The following SLC29A3 variants were observed in gnomAD, a reference collection of about 807,000 sequenced individuals.
The protein encoded by SLC29A3 is solute carrier family 29 member 3, also known as equilibrative nucleoside transporter 3.
A neutral mutation model predicts 25.4 loss-of-function variants in SLC29A3; 18 were observed. That is an observed-to-expected ratio of 0.71 (90% CI 0.49 to 1.05). SLC29A3 has a LOEUF of 1.05. SLC29A3 is among the 50% of genes least tolerant of loss of function. The pLI is 0.00. For synonymous variants in SLC29A3, 258 were observed against 267.1 expected (o/e 0.97, Z 0.33); for missense variants, 586 against 609.0 (o/e 0.96, Z 0.40).
Position 71,362,623 on chromosome 10 carries a change from G to A in SLC29A3, c.*15G>A. ...ACCTCATCTAGAAGGGAGGACACAA[G>A]GACATTGGTGCTTCAGAGCCTTTGA... On this transcript the variant is annotated 3_prime_UTR_variant, in exon 6 of 6. Transcript: ENST00000373189. The A allele has an allele frequency of 6.2e-7, 1 of 1,614,104 alleles. No individual in the cohort carries two copies. Among genetic ancestry groups the A allele is most frequent in the South Asian group, 1.1e-5 (1 of 91,054 alleles).
At chr10:71,348,791 G>A (rs1846666842) in intron 3 of SLC29A3, among the ~76,000 whole-genome samples, 1 of 152,220 alleles carries the variant, frequency 6.6e-6, no homozygotes, top group Non-Finnish European at 1.5e-5. Context: ...GCATCTTAAT[G>A]CAAGGTTCCC....
downstream of SLC29A3, among the ~76,000 whole-genome samples, chr10:71,367,903 G>A (rs957426970): frequency 3.3e-4 from 50 of 152,124 alleles, no homozygotes; most frequent in Non-Finnish European, 7.4e-5. Flanking sequence ...CTTTAGCCAC[G>A]TCCTGCTGGT....
chr10:71,342,595 G>A lies in SLC29A3; in HGVS notation c.301-1614G>A, dbSNP rs117976127. Among the ~76,000 whole-genome samples the A allele has an allele frequency of 3.0e-4, 46 of 152,372 alleles. No homozygotes were observed. In the East Asian group the frequency reaches 8.1e-3, roughly 27 times the overall value. On this transcript the variant is annotated intron_variant, in intron 2 of 5. Transcript: ENST00000373189. ...ACAGATCGAGCAGCCACTGGATGAA[G>A]GGGCCTCACCGGGGCTTGGGCTGGG...
chr10:71,322,008 C>G (rs527569255), intron 1 of SLC29A3, among the ~76,000 whole-genome samples: 1 of 152,320 alleles, frequency 6.6e-6, no homozygotes, highest in South Asian at 2.1e-4. Context: ...GTTTTTTAAA[C>G]AATTATTACT....
intron 3 of SLC29A3, among the ~76,000 whole-genome samples, chr10:71,345,279 T>C (rs1846537413): frequency 6.6e-6 from 1 of 152,078 alleles, no homozygotes; most frequent in Non-Finnish European, 1.5e-5. Context: ...GTTCTGGGGG[T>C]TATCGAGGTT....
downstream of SLC29A3, chr10:71,364,589 C>G (rs1427799042): frequency 6.6e-6 from 1 of 152,176 alleles, no homozygotes; most frequent in African/African-American, 2.4e-5. Flanking sequence ...ATGTGGCAAC[C>G]CTTGGAGCCG....
chr10:71,331,664 A>C (rs1370830065), intron 2 of SLC29A3, among the ~76,000 whole-genome samples: 1 of 152,226 alleles, frequency 6.6e-6, no homozygotes, highest in East Asian at 1.9e-4. Flanking sequence ...TGACCCATCA[A>C]ATGAATTTCA....
intron 5 of SLC29A3, 95 bp downstream of exon 5, chr10:71,356,338 C>T (rs1045665951): frequency 2.8e-5 from 41 of 1,486,402 alleles, no homozygotes; most frequent in Admixed American, 3.5e-5. Context: ...GCTTCTTTGT[C>T]TAGGTGCTAT....
At chr10:71,353,880 G>T (rs926425106) in intron 4 of SLC29A3, among the ~76,000 whole-genome samples, 4 of 152,178 alleles carry the variant, frequency 2.6e-5, no homozygotes, top group Non-Finnish European at 4.4e-5. Context: ...GCTCCCGGAG[G>T]CCTGGTTTGT....
intron 5 of SLC29A3, among the ~76,000 whole-genome samples, chr10:71,358,800 T>C (rs1846980889): frequency 6.6e-6 from 1 of 152,218 alleles, no homozygotes; most frequent in African/African-American, 2.4e-5. Context: ...ACCAGGATGG[T>C]TGGTCAGCCT....
chr10:71,347,263 A>C (rs1846616101), intron 3 of SLC29A3, among the ~76,000 whole-genome samples: 1 of 152,188 alleles, frequency 6.6e-6, no homozygotes, highest in Admixed American at 6.5e-5. Flanking sequence ...AGGAGGATTT[A>C]CATCTTGGAG....
In SLC29A3 at chr10:71,362,187, G is replaced by T; in HGVS notation, c.1007G>T (p.Gly336Val). The change falls in exon 6 of 6, where the codon GGT becomes GTT. Residue 336 changes from glycine to valine, a missense_variant. Coordinates refer to ENST00000373189, the MANE Select transcript of SLC29A3 (RefSeq NM_018344.6). ...ACCAACATCGAGTCCCTCAACAAGG[G>T]TTCGGGCTCACTGTGGACCACCAAG... The part of the protein sequence containing the change: ...ICTNIESLNK[G>V]SGSLWTTKFF... 6.2e-7 allele frequency: 1 copy of T among 1,614,064 alleles called. No individual in the cohort carries two copies. Among genetic ancestry groups the T allele is most frequent in the African/African-American group, 1.3e-5 (1 of 74,996 alleles).
At chr10:71,374,245 A>G (rs369576091) in intron 3 of SLC29A3, among the ~76,000 whole-genome samples, 8 of 152,124 alleles carry the variant, frequency 5.3e-5, no homozygotes, top group African/African-American at 1.9e-4. Context: ...CTAAATATGC[A>G]TAGCTGAGCC....
downstream of SLC29A3, among the ~76,000 whole-genome samples, chr10:71,363,793 C>CTT (rs68033148): frequency 2.6e-5 from 1 of 37,942 alleles, no homozygotes; most frequent in Non-Finnish European, 8.6e-5. Flanking sequence ...ATTTTTTTTT[C>CTT]TTTTTTTCCT....
At chr10:71,325,776 C>G (rs1050358436) in intron 2 of SLC29A3, among the ~76,000 whole-genome samples, 5 of 152,106 alleles carry the variant, frequency 3.3e-5, no homozygotes, top group African/African-American at 7.2e-5. Flanking sequence ...CCCACCCACT[C>G]GAGGCCAATT....
chr10:71,333,537 A>G (rs2131811158), intron 2 of SLC29A3, among the ~76,000 whole-genome samples: 1 of 152,320 alleles, frequency 6.6e-6, no homozygotes, highest in African/African-American at 2.4e-5. Context: ...GTTTTCTACT[A>G]CAGAGAGAGG....
At chr10:71,353,102 T>G (rs1846807535) in intron 4 of SLC29A3, among the ~76,000 whole-genome samples, 1 of 152,198 alleles carries the variant, frequency 6.6e-6, no homozygotes, top group African/African-American at 2.4e-5. Flanking sequence ...GATCTCTATC[T>G]TTCATCCTGA....
rs1564534083 is a variant in SLC29A3 at position 71,344,201 on chromosome 10, G to A, written c.301-8G>A. ...GACCGCAGCACCTCCTCACTTGTGT[G>A]CTTGCAGAACTACTTTGAGAGCTAC... On this transcript the variant is annotated splice_polypyrimidine_tract_variant and splice_region_variant and intron_variant, in intron 2 of 5. Transcript: ENST00000373189. The A allele has an allele frequency of 1.9e-6, 3 of 1,612,934 alleles. No homozygotes were observed. The highest frequency in any genetic ancestry group is 2.5e-6 in the Non-Finnish European group (3 of 1,178,952).
intron 5 of SLC29A3, among the ~76,000 whole-genome samples, chr10:71,358,905 A>G (rs775455027): frequency 6.6e-5 from 10 of 151,908 alleles, no homozygotes; most frequent in Non-Finnish European, 1.5e-4. Context: ...AGACGCTTCT[A>G]TTTCTTTTTC....
Sources: allele counts gnomAD v4.1 joint callset (sites outside exome capture counted in the v4.1 genomes callset), GRCh38; gene constraint gnomAD v4.1.1; transcripts MANE v1.5; gene names NCBI Gene and HGNC (gene_info 2026-07-23, HGNC 2026-07-21).